Variants in REPS2 observed in about 807,000 individuals in gnomAD.
REPS2 encodes RALBP1 associated Eps domain containing 2.
REPS2 carries 23 observed loss-of-function variants against 53.6 expected under a neutral mutation model. The ratio of observed to expected loss-of-function variants is 0.43; its 90% CI spans 0.31 to 0.61. REPS2 has a LOEUF of 0.61. Ranked by LOEUF, REPS2 falls within the 20% of genes least tolerant of loss-of-function variation. The pLI, the probability that REPS2 is intolerant of heterozygous loss-of-function variation, is 0.11. For missense variants in REPS2, 446 were observed against 534.9 expected, an observed-to-expected ratio of 0.83 and a Z score of 1.64; for synonymous variants, 238 against 218.6, an observed-to-expected ratio of 1.09 and a Z score of -0.78.
In REPS2 at chrX:16,971,564, T is replaced by A. The variant is rs1047329417; in HGVS notation, c.273+24430T>A. Among the ~76,000 whole-genome samples, 3 of 112,168 alleles carry A rather than the reference T, an allele frequency of 2.7e-5. No homozygotes were observed. In the East Asian group the frequency reaches 8.3e-4, roughly 31 times the overall value. ...TTATTGTTTTCTATTGTCACTTGTG[T>A]TTTTGGTGTCATATTTAAGAAACCA... is the stretch of plus-strand genomic sequence containing the variant. On this transcript the variant is annotated intron_variant, in intron 1 of 17. Coordinates refer to ENST00000357277, the MANE Select transcript of REPS2 (RefSeq NM_004726.3).
chrX:17,132,361 A>G (rs2063303532), intron 14 of REPS2, among the ~76,000 whole-genome samples: 1 of 111,405 alleles, frequency 9.0e-6, no homozygotes, highest in African/African-American at 3.3e-5. Context: ...GAAGGCAGAG[A>G]GGGAGAGGGG....
chrX:17,029,160 C>T (rs2061679370), intron 4 of REPS2, among the ~76,000 whole-genome samples: 1 of 111,662 alleles, frequency 9.0e-6, no homozygotes, highest in South Asian at 3.7e-4. Flanking sequence ...CAATGGAAGA[C>T]ATTTACTTAG....
At chrX:17,190,413 A>G in the REPS2 span, among the ~76,000 whole-genome samples, 2 of 112,476 alleles carry the variant, frequency 1.8e-5, no homozygotes, top group Non-Finnish European at 3.8e-5. Flanking sequence ...TAGTCTAACA[A>G]CGTATGTGTA....
intron 1 of REPS2, among the ~76,000 whole-genome samples, chrX:16,949,069 TTGGTGGTGGTGGTGGTGGTGG>T (rs3083679): frequency 9.6e-6 from 1 of 104,080 alleles, no homozygotes; most frequent in Non-Finnish European, 2.0e-5. Context: ...ACCCATCACT[TTGGTGGTGGTGGTGGTGGTGG>T]TGGTGGTGGT....
chrX:17,069,620 G>A (rs2062276275), intron 10 of REPS2, among the ~76,000 whole-genome samples: 1 of 111,690 alleles, frequency 9.0e-6, no homozygotes, highest in African/African-American at 3.3e-5. Context: ...TCATCAGTCT[G>A]GGTGTCAGGA....
At chrX:17,110,761 C>T (rs2062956556) in intron 14 of REPS2, among the ~76,000 whole-genome samples, 1 of 111,015 alleles carries the variant, frequency 9.0e-6, no homozygotes, top group East Asian at 2.8e-4. Flanking sequence ...CGCCTGTAAT[C>T]CCAACACTTT....
chrX:17,177,956 T>C, the REPS2 span, among the ~76,000 whole-genome samples: 2 of 111,033 alleles, frequency 1.8e-5, no homozygotes, highest in Non-Finnish European at 3.8e-5. Flanking sequence ...GAACAGACAT[T>C]TGGAACTCCA....
chrX:17,022,165 A>T lies in REPS2; in HGVS notation c.440A>T (p.Glu147Val), dbSNP rs1244623439. The change falls in exon 3 of 18, where the codon GAG (glutamate) becomes GTG (valine). Residue 147 changes from glutamate to valine, a missense_variant. Glu to Val is a moderately radical substitution (Grantham distance 121). Transcript: ENST00000357277. ...TTTATGATGTCAAAGAATGATGGTGAGATACGATTTGGGAACCCAGCTGAG... is the reference window on the plus strand; with the variant it reads ...TTTATGATGTCAAAGAATGATGGTGTGATACGATTTGGGAACCCAGCTGAG... ...PRFMMSKNDG[E>V]IRFGNPAELH... is the part of the protein sequence containing the mutation. 2 of 1,210,132 alleles carry T rather than the reference A, an allele frequency of 1.7e-6. No individual in the cohort carries two copies. Among genetic ancestry groups the T allele is most frequent in the South Asian group, 3.5e-5 (2 of 56,904 alleles).
intron 1 of REPS2, among the ~76,000 whole-genome samples, chrX:16,972,383 A>G (rs2060905371): frequency 8.9e-6 from 1 of 112,334 alleles, no homozygotes; most frequent in African/African-American, 3.2e-5. Context: ...TATATGAATG[A>G]TAAATGAAAA....
At chrX:17,075,058 C>G (rs1314756926) in intron 12 of REPS2, among the ~76,000 whole-genome samples, 1 of 111,529 alleles carries the variant, frequency 9.0e-6, no homozygotes, top group Non-Finnish European at 1.9e-5. Flanking sequence ...GTTTTGTTTC[C>G]TTGTTTATGT....
At chrX:17,068,318 A>C (rs2062253573) in intron 9 of REPS2, 84 bp from the exon 10 acceptor site, 1 of 822,352 alleles carries the variant, frequency 1.2e-6, no homozygotes, top group African/African-American at 2.1e-5. Flanking sequence ...TGTCTCAAAA[A>C]AAAAAAATTT....
chrX:17,044,806 A>G (rs1295735547), intron 5 of REPS2, among the ~76,000 whole-genome samples: 2 of 112,249 alleles, frequency 1.8e-5, no homozygotes, highest in Admixed American at 9.4e-5. Context: ...GAACCTGGTC[A>G]GACATCTGGG....
intron 1 of REPS2, among the ~76,000 whole-genome samples, chrX:16,992,105 A>G (rs959492327): frequency 9.0e-6 from 1 of 111,622 alleles, no homozygotes; most frequent in Non-Finnish European, 1.9e-5. Flanking sequence ...CCAAATTCCT[A>G]TGTTGAAACC....
At chrX:17,002,439 T>G (rs978233908) in intron 1 of REPS2, among the ~76,000 whole-genome samples, 1 of 111,825 alleles carries the variant, frequency 8.9e-6, no homozygotes, top group African/African-American at 3.3e-5. Flanking sequence ...TCATTTGGCT[T>G]AGGCATATAC....
At chrX:17,174,798 C>T in the REPS2 span, among the ~76,000 whole-genome samples, 2 of 112,640 alleles carry the variant, frequency 1.8e-5, no homozygotes, top group Non-Finnish European at 3.8e-5. Context: ...CTGCTGCTGC[C>T]GCCGCCGCTG....
At chrX:16,967,557 G>A (rs1030950926) in intron 1 of REPS2, among the ~76,000 whole-genome samples, 3 of 110,581 alleles carry the variant, frequency 2.7e-5, no homozygotes, top group African/African-American at 9.9e-5. Flanking sequence ...CCAGCTACTT[G>A]GGAGGCTGAA....
rs112179316 is a variant in REPS2, at chrX:17,098,337, A to G, written c.1517-5381A>G. On this transcript the variant is annotated intron_variant, in intron 13 of 17. Transcript: ENST00000357277. ...AAAATCCAACAACAAATTATCCTGAAAAGAAGTCTCAAAATAAGGATAGGA... is the reference window on the plus strand; with the variant it reads ...AAAATCCAACAACAAATTATCCTGAGAAGAAGTCTCAAAATAAGGATAGGA... Among the ~76,000 whole-genome samples the G allele has an allele frequency of 5.6e-3, 626 of 112,215 alleles. 5 individuals carry two copies. The highest frequency in any genetic ancestry group is 0.02 in the African/African-American group (609 of 30,897).
In REPS2 at chrX:17,048,503, T is replaced by A. The variant is rs761862411; in HGVS notation, c.907+1021T>A. On this transcript the variant is annotated intron_variant, in intron 6 of 17. Coordinates refer to ENST00000357277, the MANE Select transcript of REPS2 (RefSeq NM_004726.3). Reference sequence around the variant, plus strand: ...GGTACTTGTTAGAAATGTTTTTGTTTTCTTTTAACTTTTGTATCTTGCAGA... The same window carrying A: ...GGTACTTGTTAGAAATGTTTTTGTTATCTTTTAACTTTTGTATCTTGCAGA... 2.8e-3 allele frequency among the ~76,000 whole-genome samples: 317 copies of A among 112,739 alleles called. 1 individual carries two copies. The highest frequency in any genetic ancestry group is 4.6e-3 in the Non-Finnish European group (248 of 53,349).
At chrX:17,049,619 A>G (rs774690034) in intron 6 of REPS2, among the ~76,000 whole-genome samples, 1 of 111,669 alleles carries the variant, frequency 9.0e-6, no homozygotes, top group Non-Finnish European at 1.9e-5. Context: ...TTGTGGGTAC[A>G]TAGGTGTATA....
Sources: gnomAD v4.1 joint callset for allele counts (sites outside exome capture counted in the v4.1 genomes callset) on GRCh38, gnomAD v4.1.1 for gene constraint, MANE v1.5 for transcripts, NCBI Gene and HGNC (gene_info 2026-07-23, HGNC 2026-07-21) for gene names.